Variants in CACNB2 observed in about 807,000 individuals in gnomAD.
The protein encoded by CACNB2 is voltage-dependent L-type calcium channel subunit beta-2.
Under a neutral mutation model 73.3 loss-of-function variants are expected in CACNB2, and 42 were observed. The ratio of observed to expected loss-of-function variants is 0.57; its 90% confidence interval spans 0.45 to 0.74. The LOEUF (loss-of-function observed/expected upper bound fraction) is 0.74. CACNB2 is among the 30% of genes least tolerant of loss of function. CACNB2 has a pLI of 0.00. For missense variants in CACNB2, 940 were observed against 853.0 expected (o/e 1.10, Z -1.27); for synonymous variants, 348 against 310.3 (o/e 1.12, Z -1.28).
chr10:18,517,785 C>T (rs2051427481), intron 7 of CACNB2, among the ~76,000 whole-genome samples: 1 of 152,030 alleles, frequency 6.6e-6, no homozygotes, highest in African/African-American at 2.4e-5. Context: ...AGAATTTTGA[C>T]AGTAGTGAGA....
intron 2 of CACNB2, chr10:18,340,917 T>C: frequency 6.2e-7 from 1 of 1,614,168 alleles, no homozygotes; most frequent in Non-Finnish European, 8.5e-7. Flanking sequence ...GCACTTGGAA[T>C]TGGTCTAGCA....
intron 2 of CACNB2, among the ~76,000 whole-genome samples, chr10:18,377,230 AC>A (rs1387278782): frequency 6.6e-6 from 1 of 152,216 alleles, no homozygotes; most frequent in African/African-American, 2.4e-5. Context: ...GATTTCTTGT[AC>A]TACATAGATG....
At chr10:18,274,075 A>G (rs1274900895) in intron 2 of CACNB2, among the ~76,000 whole-genome samples, 2 of 152,176 alleles carry the variant, frequency 1.3e-5, no homozygotes, top group African/African-American at 4.8e-5. Flanking sequence ...TCTAACTTTG[A>G]CATCATTATG....
At chr10:18,519,642 T>C (rs757410171) in intron 9 of CACNB2, 1 of 449,392 alleles carries the variant, frequency 2.2e-6, no homozygotes. Context: ...TCCATCACCA[T>C]GTAAAAATGT....
At chr10:18,356,345 C>T (rs1374823128) in intron 2 of CACNB2, among the ~76,000 whole-genome samples, 2 of 152,236 alleles carry the variant, frequency 1.3e-5, no homozygotes, top group African/African-American at 2.4e-5. Flanking sequence ...TCCACCTCAT[C>T]ATCACTGCTT....
At chr10:18,453,874 A>C (rs2047136274) in intron 3 of CACNB2, among the ~76,000 whole-genome samples, 1 of 152,114 alleles carries the variant, frequency 6.6e-6, no homozygotes. Context: ...ACCTCAGGTC[A>C]TTTGCCTGCC....
At chr10:18,460,806 C>G (rs2047532211) in intron 3 of CACNB2, among the ~76,000 whole-genome samples, 1 of 151,234 alleles carries the variant, frequency 6.6e-6, no homozygotes, top group South Asian at 2.1e-4. Context: ...GGGAAGACCA[C>G]TTGAGCGTGG....
intron 2 of CACNB2, among the ~76,000 whole-genome samples, chr10:18,235,535 A>C: frequency 6.6e-6 from 1 of 150,872 alleles, no homozygotes; most frequent in East Asian, 1.9e-4. Flanking sequence ...ATAATAAAAC[A>C]ACACAGTTTC....
At chr10:18,380,441 CAT>C (rs913532009) in intron 2 of CACNB2, among the ~76,000 whole-genome samples, 6 of 145,976 alleles carry the variant, frequency 4.1e-5, no homozygotes, top group African/African-American at 1.5e-4. Flanking sequence ...TAACTTGAAA[CAT>C]GTGTTTTTCT....
At chr10:18,369,534 G>C (rs1275006013) in intron 2 of CACNB2, among the ~76,000 whole-genome samples, 1 of 152,156 alleles carries the variant, frequency 6.6e-6, no homozygotes, top group African/African-American at 2.4e-5. Flanking sequence ...GGCTGCCTTT[G>C]AAAGGACTAC....
chr10:18,376,205 T>C (rs1472200498), intron 2 of CACNB2, among the ~76,000 whole-genome samples: 1 of 152,194 alleles, frequency 6.6e-6, no homozygotes, highest in African/African-American at 2.4e-5. Context: ...TGGATGAAAC[T>C]TGAGGTCGTT....
At chr10:18,454,599 A>G (rs555100358) in intron 3 of CACNB2, among the ~76,000 whole-genome samples, 1 of 152,264 alleles carries the variant, frequency 6.6e-6, no homozygotes, top group Non-Finnish European at 1.5e-5. Context: ...AATATCAATC[A>G]TAGGACCAAG....
At chr10:18,503,611 C>T (rs1298635707) in intron 5 of CACNB2, among the ~76,000 whole-genome samples, 1 of 152,124 alleles carries the variant, frequency 6.6e-6, no homozygotes, top group Non-Finnish European at 1.5e-5. Flanking sequence ...AAAAGAACCA[C>T]CTTATATGGA....
chr10:18,272,364 C>G (rs992040848), intron 2 of CACNB2, among the ~76,000 whole-genome samples: 2 of 152,138 alleles, frequency 1.3e-5, no homozygotes, highest in Admixed American at 1.3e-4. Context: ...CTTCCTCTCC[C>G]CCAAGGTTCT....
chr10:18,367,967 G>T (rs565861546), intron 2 of CACNB2, among the ~76,000 whole-genome samples: 1 of 152,106 alleles, frequency 6.6e-6, no homozygotes, highest in East Asian at 1.9e-4. Context: ...TATTTTGGCC[G>T]TCTGGTCATA....
intron 2 of CACNB2, among the ~76,000 whole-genome samples, chr10:18,241,986 A>T (rs1305769849): frequency 6.6e-6 from 1 of 152,084 alleles, no homozygotes; most frequent in Non-Finnish European, 1.5e-5. Flanking sequence ...GTATATAGTC[A>T]ACCACCAATT....
chr10:18,348,498 T>C (rs559805634), intron 2 of CACNB2, among the ~76,000 whole-genome samples: 137 of 150,762 alleles, frequency 9.1e-4, no homozygotes, highest in African/African-American at 3.2e-3. Context: ...GACAGACAGA[T>C]AGATGGATGG....
intron 3 of CACNB2, among the ~76,000 whole-genome samples, chr10:18,489,306 CTTGAACCTG>C (rs2132921744): frequency 6.8e-6 from 1 of 146,070 alleles, no homozygotes; most frequent in African/African-American, 2.5e-5. Context: ...AGGAGAATTG[CTTGAACCTG>C]GGAGGCGGTG....
intron 2 of CACNB2, among the ~76,000 whole-genome samples, chr10:18,238,923 A>G (rs550579480): frequency 1.3e-5 from 2 of 152,216 alleles, no homozygotes; most frequent in Non-Finnish European, 2.9e-5. Flanking sequence ...AACTCCTACA[A>G]TTGTGAAGTC....
Sources: allele counts gnomAD v4.1 joint callset (sites outside exome capture counted in the v4.1 genomes callset), GRCh38; gene constraint gnomAD v4.1.1; transcripts MANE v1.5; gene names NCBI Gene and HGNC (gene_info 2026-07-23, HGNC 2026-07-21).